The following SLC39A12 variants were observed in gnomAD, a reference collection of about 807,000 sequenced individuals.
SLC39A12 encodes the protein solute carrier family 39 member 12.
In SLC39A12, 63 loss-of-function variants were observed where a neutral mutation model predicts 71.1. The observed-to-expected ratio is 0.89, with a 90% CI of 0.72 to 1.09. SLC39A12 has a LOEUF of 1.09. Among genes scored for constraint, SLC39A12 ranks in the 50% least tolerant of loss-of-function variants. SLC39A12 has a pLI of 0.00. For synonymous variants in SLC39A12, 351 were observed against 301.3 expected (o/e 1.16, Z -1.71); for missense variants, 892 against 812.6 (o/e 1.10, Z -1.19).
At position 18,026,024 on chromosome 10, in the gene SLC39A12, A is replaced by G. The variant is rs1359311172; in HGVS notation, c.1948-16681A>G. Among the ~76,000 whole-genome samples, 3 of 152,246 alleles carry G rather than the reference A, an allele frequency of 2.0e-5. No homozygotes were observed. In the East Asian group the frequency reaches 5.8e-4, roughly 29 times the overall value. Reference sequence around the variant, plus strand: ...CTTGTATCACATATTCATTCATTTCACTTATACATGAGCATACATAATTGA... The same window carrying G: ...CTTGTATCACATATTCATTCATTTCGCTTATACATGAGCATACATAATTGA... On this transcript the variant is annotated intron_variant, in intron 12 of 12. Transcript: ENST00000377369.
intron 10 of SLC39A12, among the ~76,000 whole-genome samples, chr10:17,999,294 C>CAAAAAAAAAAAAAAAAAAAA (rs59734258): frequency 1.4e-5 from 1 of 70,374 alleles, no homozygotes; most frequent in African/African-American, 7.5e-5. Context: ...GACTCCATCT[C>CAAAAAAAAAAAAAAAAAAAA]AAAAAAAAAA....
At chr10:18,011,469 A>G (rs1303413958) in intron 12 of SLC39A12, among the ~76,000 whole-genome samples, 1 of 152,224 alleles carries the variant, frequency 6.6e-6, no homozygotes, top group African/African-American at 2.4e-5. Context: ...CACAGAGCAT[A>G]TAAAATATGT....
intron 6 of SLC39A12, among the ~76,000 whole-genome samples, chr10:17,986,552 G>A (rs1370776293): frequency 6.6e-6 from 1 of 152,154 alleles, no homozygotes; most frequent in Non-Finnish European, 1.5e-5. Flanking sequence ...GGGGTGAAGA[G>A]TATATGTTCT....
intron 1 of SLC39A12, among the ~76,000 whole-genome samples, chr10:17,952,855 A>T (rs1554847276): frequency 6.6e-6 from 1 of 152,238 alleles, no homozygotes; most frequent in African/African-American, 2.4e-5. Flanking sequence ...CATGAGGACC[A>T]TGAATCACTT....
chr10:17,975,453 A>G (rs2130800393), intron 4 of SLC39A12, among the ~76,000 whole-genome samples: 1 of 152,156 alleles, frequency 6.6e-6, no homozygotes, highest in East Asian at 1.9e-4. Flanking sequence ...GGGCATGTCT[A>G]GAAATGTTGT....
At chr10:17,997,756 C>T (rs1012326649) in intron 10 of SLC39A12, among the ~76,000 whole-genome samples, 14 of 152,112 alleles carry the variant, frequency 9.2e-5, no homozygotes, top group Non-Finnish European at 2.1e-4. Context: ...TTACCTCATC[C>T]GTGGAACTCA....
intron 12 of SLC39A12, among the ~76,000 whole-genome samples, chr10:18,021,322 G>A (rs1241544903): frequency 6.6e-6 from 1 of 151,596 alleles, no homozygotes; most frequent in Non-Finnish European, 1.5e-5. Flanking sequence ...TCCATTGGTT[G>A]GATAATTACG....
At position 17,953,370 on chromosome 10, in the gene SLC39A12, C is replaced by G; in HGVS notation, c.94C>G (p.Gln32Glu). 6.2e-7 allele frequency: 1 copy of G among 1,614,142 alleles called. No homozygotes were observed. The highest frequency in any genetic ancestry group is 1.1e-5 in the South Asian group (1 of 91,080). The change falls in exon 2 of 13, where the codon CAG becomes GAG. Residue 32 changes from glutamine (Q) to glutamate (E), a missense_variant. Gln to Glu is a conservative substitution (Grantham distance 29). Coordinates refer to ENST00000377369, the MANE Select transcript of SLC39A12 (RefSeq NM_001145195.2). The stretch of plus-strand genomic sequence containing the variant: ...TACTGAGACAGACAAACCCTCAGCC[C>G]AGGATAGCAGAAGCCGTGGGAGTTC... ...FSTETDKPSAQDSRSRGSSGQ... is the reference protein window; with the variant it reads ...FSTETDKPSAEDSRSRGSSGQ...
intron 4 of SLC39A12, among the ~76,000 whole-genome samples, chr10:17,970,475 G>C (rs1289319964): frequency 6.6e-6 from 1 of 151,814 alleles, no homozygotes; most frequent in Non-Finnish European, 1.5e-5. Context: ...TCAGTGTTTT[G>C]TCATTTTCAT....
intron 12 of SLC39A12, among the ~76,000 whole-genome samples, chr10:18,041,743 A>ATG (rs1837249560): frequency 7.0e-6 from 1 of 142,034 alleles, no homozygotes; most frequent in African/African-American, 2.6e-5. Context: ...ATATGTATAT[A>ATG]CATGTATATA....
At chr10:17,987,448 C>A in intron 6 of SLC39A12, 31 bp from the exon 7 acceptor site, 1 of 1,610,304 alleles carries the variant, frequency 6.2e-7, no homozygotes, top group South Asian at 1.1e-5. Flanking sequence ...GCACTGGGCA[C>A]TGACTGTGTT....
At chr10:18,013,471 G>T (rs1300599184) in intron 12 of SLC39A12, among the ~76,000 whole-genome samples, 1 of 151,580 alleles carries the variant, frequency 6.6e-6, no homozygotes, top group Non-Finnish European at 1.5e-5. Flanking sequence ...AGGATCAAGT[G>T]ATTCTCCTAC....
rs758415874 is a variant in SLC39A12, at chr10:17,965,475, G to C, written c.544-8G>C. 1 of 1,612,636 alleles carries C rather than the reference G, an allele frequency of 6.2e-7. No individual in the cohort carries two copies. The highest frequency in any genetic ancestry group is 1.3e-5 in the African/African-American group (1 of 74,894). Reference sequence around the variant, plus strand: ...ACAATTTTCTCTTTATTTTGTATCTGATTTCAGTGTATGGAAACCAAAACG... The same window carrying C: ...ACAATTTTCTCTTTATTTTGTATCTCATTTCAGTGTATGGAAACCAAAACG... On this transcript the variant is annotated splice_region_variant and splice_polypyrimidine_tract_variant and intron_variant, in intron 3 of 12. Coordinates refer to ENST00000377369, the MANE Select transcript of SLC39A12 (RefSeq NM_001145195.2).
intron 12 of SLC39A12, among the ~76,000 whole-genome samples, chr10:18,026,639 C>G (rs909505115): frequency 6.6e-6 from 1 of 151,902 alleles, no homozygotes; most frequent in African/African-American, 2.4e-5. Context: ...TCTCTTTCTC[C>G]TCTTTCTAAT....
chr10:17,965,696 G>T lies in SLC39A12; in HGVS notation c.751+6G>T, dbSNP rs779778226. The T allele has an allele frequency of 1.2e-6, 2 of 1,604,262 alleles. No homozygotes were observed. Among genetic ancestry groups the T allele is most frequent in the Non-Finnish European group, 1.7e-6 (2 of 1,172,162 alleles). ...GAATACCCTCCGCCTATCAGGTAAG[G>T]ATGTTTTCACGAATTTAACTTCCAA... On this transcript the variant is annotated splice_donor_region_variant and intron_variant, in intron 4 of 12. Coordinates refer to ENST00000377369, the MANE Select transcript of SLC39A12 (RefSeq NM_001145195.2).
At chr10:18,000,002 C>T (rs888376793) in intron 10 of SLC39A12, among the ~76,000 whole-genome samples, 19 of 152,258 alleles carry the variant, frequency 1.2e-4, no homozygotes, top group African/African-American at 3.4e-4. Context: ...TTGGCCCACT[C>T]GGTCTGCTAC....
chr10:18,001,491 G>A (rs960295715), intron 11 of SLC39A12, among the ~76,000 whole-genome samples: 1 of 152,158 alleles, frequency 6.6e-6, no homozygotes, highest in Non-Finnish European at 1.5e-5. Context: ...TCCAGCCTGG[G>A]CAACAGAGTG....
intron 12 of SLC39A12, among the ~76,000 whole-genome samples, chr10:18,011,129 G>A (rs1263645829): frequency 6.6e-5 from 10 of 151,308 alleles, no homozygotes; most frequent in African/African-American, 1.9e-4. Flanking sequence ...TCACTCTGTC[G>A]CTCAGGCTGG....
chr10:17,976,227 G>T (rs954834079), intron 4 of SLC39A12, among the ~76,000 whole-genome samples: 2 of 152,078 alleles, frequency 1.3e-5, no homozygotes, highest in African/African-American at 4.8e-5. Flanking sequence ...ATTGGTGGAG[G>T]CTTCTATTCT....
Sources: allele counts gnomAD v4.1 joint callset (sites outside exome capture counted in the v4.1 genomes callset), GRCh38; gene constraint gnomAD v4.1.1; transcripts MANE v1.5; gene names NCBI Gene and HGNC (gene_info 2026-07-23, HGNC 2026-07-21).